Variants in LTN1 observed in about 807,000 individuals in gnomAD.
LTN1 encodes the protein listerin E3 ubiquitin protein ligase 1, also known as E3 ubiquitin-protein ligase listerin.
A neutral mutation model predicts 201.2 loss-of-function variants in LTN1; 88 were observed. The ratio of observed to expected loss-of-function variants is 0.44; its 90% CI spans 0.37 to 0.52. LTN1 has a LOEUF of 0.52. LTN1 is among the 20% of genes least tolerant of loss of function. The probability of loss-of-function intolerance (pLI) is 0.00; values close to 1 mark genes in which losing one functional copy is unlikely to be tolerated. For missense variants in LTN1, 1,752 were observed against 2,038.7 expected (o/e 0.86, Z 2.71); for synonymous variants, 645 against 713.5 (o/e 0.90, Z 1.53).
chr21:28,930,471 G>A lies in LTN1; in HGVS notation c.5278C>T (p.Leu1760=). Reference sequence around the variant, plus strand: ...TCTCAGAAAAACGTCTCACGACACAGTGGACAAGTGGATTTGTTGCTAGAT... The same window carrying A: ...TCTCAGAAAAACGTCTCACGACACAATGGACAAGTGGATTTGTTGCTAGAT... The part of the protein sequence containing the change: ...FTSSNKSTCP[L]CRETFF Residue 1760 remains leucine, a synonymous_variant, in exon 30 of 30, where the codon CTG becomes TTG. Transcript: ENST00000361371. 1.2e-6 allele frequency: 2 copies of A among 1,613,120 alleles called. No homozygotes were observed. Among genetic ancestry groups the A allele is most frequent in the African/African-American group, 1.3e-5 (1 of 75,010 alleles).
intron 6 of LTN1, among the ~76,000 whole-genome samples, chr21:28,976,660 A>G (rs2084617634): frequency 6.6e-6 from 1 of 152,156 alleles, no homozygotes; most frequent in African/African-American, 2.4e-5. Flanking sequence ...ACTCAACAAC[A>G]TAAAGAAAGC....
chr21:28,939,358 C>T (rs962489470), intron 25 of LTN1, among the ~76,000 whole-genome samples: 3 of 152,186 alleles, frequency 2.0e-5, no homozygotes, highest in African/African-American at 7.2e-5. Flanking sequence ...AAACACCAAA[C>T]TGTGTATGCT....
Position 28,970,641 on chromosome 21 carries a change from G to A in LTN1, c.1086C>T (p.Tyr362=), listed in dbSNP as rs372448005. 1.5e-5 allele frequency: 25 copies of A among 1,613,768 alleles called. No homozygotes were observed. The African/African-American group carries it at 3.2e-4, about 21-fold the overall frequency. Reference sequence around the variant, plus strand: ...GGAGCTTGCTGATGAATGGCAGAAGGTAAGGATATATGACAGTAGCTAGAC... The same window carrying A: ...GGAGCTTGCTGATGAATGGCAGAAGATAAGGATATATGACAGTAGCTAGAC... ...GRGLATVIYP[Y]LLPFISKLPQ... Residue 362 remains tyrosine, a synonymous_variant, in exon 8 of 30, where the codon TAC becomes TAT. Transcript: ENST00000361371.
intron 21 of LTN1, among the ~76,000 whole-genome samples, chr21:28,945,160 G>A (rs1270267317): frequency 6.6e-6 from 1 of 152,146 alleles, no homozygotes; most frequent in Admixed American, 6.5e-5. Context: ...GGCGGAGGTT[G>A]CAGTGAGCCA....
In LTN1 at chr21:28,936,704, G is replaced by A. The variant is rs745824734; in HGVS notation, c.4483-7C>T. 6.3e-7 allele frequency: 1 copy of A among 1,599,784 alleles called. No homozygotes were observed. The highest frequency in any genetic ancestry group is 1.1e-5 in the South Asian group (1 of 88,752). ...TGGAATACAAAGCCCGAAGCTGGTG[G>A]AGAGCAAAGAATTTGTTAGTAAACC... is the stretch of plus-strand genomic sequence containing the variant. On this transcript the variant is annotated splice_region_variant and splice_polypyrimidine_tract_variant and intron_variant, in intron 25 of 29. Coordinates refer to ENST00000361371, the MANE Select transcript of LTN1 (RefSeq NM_015565.3).
At chr21:28,968,469 T>C (rs1033610794) in intron 9 of LTN1, among the ~76,000 whole-genome samples, 3 of 152,196 alleles carry the variant, frequency 2.0e-5, no homozygotes, top group African/African-American at 7.2e-5. Flanking sequence ...CCTTCTCTCA[T>C]CTCTGGTTCT....
chr21:28,986,829 C>T lies in LTN1; in HGVS notation c.148G>A (p.Ala50Thr). 1 of 1,613,460 alleles carries T rather than the reference C, an allele frequency of 6.2e-7. No individual in the cohort carries two copies. The highest frequency in any genetic ancestry group is 8.5e-7 in the Non-Finnish European group (1 of 1,179,400). Residue 50 changes from alanine to threonine, a missense_variant, in exon 2 of 30, where the codon GCT becomes ACT. Transcript: ENST00000361371. The surrounding 1 kb of genome is among the most constrained non-coding windows in gnomAD (Gnocchi z 4.1). ...TCAATTTCTTCAGCTCCTTGAATAG[C>T]AGGAACATAGCCTAGGTCACTCTGA... ...TSQSDLGYVP[A>T]IQGAEEIDSL...
Position 28,966,852 on chromosome 21 carries a change from C to G in LTN1, c.1639G>C (p.Glu547Gln). The G allele has an allele frequency of 1.2e-6, 2 of 1,611,280 alleles. No homozygotes were observed. The highest frequency in any genetic ancestry group is 1.7e-6 in the Non-Finnish European group (2 of 1,179,226). Residue 547 changes from glutamate (E) to glutamine (Q), a missense_variant, in exon 10 of 30, where the codon GAA (glutamate) becomes CAA (glutamine). Physicochemically the swap from Glu to Gln is conservative, Grantham distance 29. Coordinates refer to ENST00000361371, the MANE Select transcript of LTN1 (RefSeq NM_015565.3). The part of the protein sequence containing the change: ...GKVRFADEIL[E>Q]SNKENEKCVS... ...CATTTTTCATTCTCTTTATTGCTTT[C>G]AAGTATCTCATCAGCAAATCTAACC...
chr21:28,969,054 C>CT (rs1388164754), intron 9 of LTN1, among the ~76,000 whole-genome samples: 1 of 151,718 alleles, frequency 6.6e-6, no homozygotes, highest in Non-Finnish European at 1.5e-5. Context: ...AACGCCGTCT[C>CT]TACTAAAAAT....
Position 28,992,856 on chromosome 21 carries a change from C to T in LTN1, c.-51G>A, listed in dbSNP as rs1259489705. On this transcript the variant is annotated 5_prime_UTR_variant, in exon 1 of 30. Coordinates refer to ENST00000361371, the MANE Select transcript of LTN1 (RefSeq NM_015565.3). ...GCACTCAGACCCCGGTTGACACGTC[C>T]GGGACACAACTTCCGGCTTCTGGCG... The T allele has an allele frequency of 6.2e-7, 1 of 1,613,916 alleles. No homozygotes were observed. Among genetic ancestry groups the T allele is most frequent in the South Asian group, 1.1e-5 (1 of 91,032 alleles).
intron 1 of LTN1, among the ~76,000 whole-genome samples, chr21:28,990,001 T>C (rs995361004): frequency 5.3e-5 from 8 of 152,068 alleles, no homozygotes; most frequent in African/African-American, 1.4e-4. Flanking sequence ...AAGTTATCTA[T>C]GTGATGGCCT....
intron 10 of LTN1, among the ~76,000 whole-genome samples, 181 bp downstream of exon 10, chr21:28,966,189 T>A (rs1207553700): frequency 1.3e-5 from 2 of 152,258 alleles, no homozygotes; most frequent in Non-Finnish European, 2.9e-5. Flanking sequence ...CAAGTATTTG[T>A]CACCCTGGTA....
At chr21:28,944,679 C>T in intron 21 of LTN1, 83 bp from the exon 22 acceptor site, 1 of 935,938 alleles carries the variant, frequency 1.1e-6, no homozygotes. Flanking sequence ...AAAAGCCCCA[C>T]TTTCATTTCT....
rs1252226568 is a variant in LTN1 at position 28,967,084 on chromosome 21, G to C, written c.1407C>G (p.Ala469=). The change falls in exon 10 of 30, where the codon GCC becomes GCG. Residue 469 remains alanine, a synonymous_variant. Transcript: ENST00000361371. ...TTTCATCTTTTTCCGTGTCTGCTTT[G>C]GCTTCCCAGGAACTTAGAGTTTCTG... ...HLAETLSSWE[A]KADTEKDEKT... The C allele has an allele frequency of 1.9e-6, 3 of 1,613,978 alleles. No individual in the cohort carries two copies. In the East Asian group the frequency reaches 6.7e-5, roughly 36 times the overall value.
At chr21:28,963,554 T>C (rs1207842163) in intron 11 of LTN1, among the ~76,000 whole-genome samples, 2 of 152,222 alleles carry the variant, frequency 1.3e-5, no homozygotes, top group Admixed American at 1.3e-4. Flanking sequence ...TGCACCTGGG[T>C]AACCCAAGAC....
chr21:28,930,388 G>C lies in LTN1; in HGVS notation c.*60C>G, dbSNP rs1015731225. The C allele has an allele frequency of 1.5e-6, 2 of 1,321,280 alleles. No homozygotes were observed. Among genetic ancestry groups the C allele is most frequent in the East Asian group, 4.7e-5 (2 of 42,816 alleles). The allele number at this position is 1,321,280 out of a possible 1,614,324, so 81.8% of individuals were successfully genotyped here. A position where few individuals can be genotyped will look rare whatever the true frequency, so the allele number is the denominator to read the frequency against. Reference sequence around the variant, plus strand: ...TTCCCCACATCCACACTTTCAGACGGATCCAAATCCAATGCCTTTGTTTGA... The same window carrying C: ...TTCCCCACATCCACACTTTCAGACGCATCCAAATCCAATGCCTTTGTTTGA... On this transcript the variant is annotated 3_prime_UTR_variant, in exon 30 of 30. Transcript: ENST00000361371.
chr21:28,945,235 A>G (rs1350700276), intron 21 of LTN1, among the ~76,000 whole-genome samples: 1 of 150,500 alleles, frequency 6.6e-6, no homozygotes, highest in African/African-American at 2.5e-5. Flanking sequence ...TTAAAAAAAA[A>G]GAAAGAAAGA....
intron 16 of LTN1, among the ~76,000 whole-genome samples, chr21:28,954,081 CAAT>C (rs2084405359): frequency 1.3e-5 from 2 of 152,102 alleles, no homozygotes; most frequent in Non-Finnish European, 2.9e-5. Flanking sequence ...ACAAAAACAA[CAAT>C]AATATCTGAC....
chr21:28,980,586 G>T (rs2084650851), intron 6 of LTN1, among the ~76,000 whole-genome samples: 1 of 151,164 alleles, frequency 6.6e-6, no homozygotes, highest in Admixed American at 6.6e-5. Context: ...AAAAAACAAG[G>T]TTATGTACTG....
Sources: allele counts gnomAD v4.1 joint callset (sites outside exome capture counted in the v4.1 genomes callset), GRCh38; gene constraint gnomAD v4.1.1; non-coding constraint Gnocchi (gnomAD v3.1); transcripts MANE v1.5; gene names NCBI Gene and HGNC (gene_info 2026-07-23, HGNC 2026-07-21).